The following COG5 variants were observed in gnomAD, a reference collection of about 807,000 sequenced individuals.
COG5 encodes the protein conserved oligomeric Golgi complex subunit 5.
A neutral mutation model predicts 110.4 loss-of-function variants in COG5; 86 were observed. That is an observed-to-expected ratio of 0.78 (90% CI 0.65 to 0.93). The LOEUF (loss-of-function observed/expected upper bound fraction) is 0.93, where lower values mean the gene tolerates loss of function less well. COG5 is among the 40% of genes least tolerant of loss of function. COG5 has a pLI of 0.00. For synonymous variants in COG5, 360 were observed against 334.6 expected, an observed-to-expected ratio of 1.08 and a Z score of -0.83; for missense variants, 1,077 against 987.0, an observed-to-expected ratio of 1.09 and a Z score of -1.22.
chr7:107,371,992 G>A (rs1459532294), intron 8 of COG5, among the ~76,000 whole-genome samples: 1 of 152,182 alleles, frequency 6.6e-6, no homozygotes, highest in Non-Finnish European at 1.5e-5. Flanking sequence ...CTTTTACGGA[G>A]AACTGTGTGT....
intron 6 of COG5, among the ~76,000 whole-genome samples, chr7:107,516,113 T>C (rs1799903297): frequency 6.6e-6 from 1 of 152,258 alleles, no homozygotes; most frequent in African/African-American, 2.4e-5. Context: ...TTTAAACTAT[T>C]ACATAATAAC....
chr7:107,266,724 A>G (rs1803830818), intron 14 of COG5, among the ~76,000 whole-genome samples: 1 of 152,100 alleles, frequency 6.6e-6, no homozygotes, highest in South Asian at 2.1e-4. Flanking sequence ...GAAGTGGGAA[A>G]CCAGAGGACT....
chr7:107,479,920 T>C (rs1305010206), intron 6 of COG5, among the ~76,000 whole-genome samples: 1 of 152,184 alleles, frequency 6.6e-6, no homozygotes, highest in East Asian at 1.9e-4. Context: ...TACCAATGTA[T>C]ATGAAGTGAA....
intron 3 of COG5, among the ~76,000 whole-genome samples, chr7:107,549,931 A>G (rs1315560777): frequency 6.6e-6 from 1 of 152,172 alleles, no homozygotes; most frequent in African/African-American, 2.4e-5. Context: ...ACATATACAG[A>G]CGTATACACA....
intron 6 of COG5, among the ~76,000 whole-genome samples, chr7:107,466,347 AATGCC>A (rs1238160257): frequency 1.3e-5 from 2 of 152,202 alleles, no homozygotes; most frequent in East Asian, 3.8e-4. Flanking sequence ...AATGGCAAGA[AATGCC>A]ATGTATTTAC....
intron 8 of COG5, among the ~76,000 whole-genome samples, chr7:107,366,939 G>C (rs1813677387): frequency 6.6e-6 from 1 of 152,088 alleles, no homozygotes; most frequent in Admixed American, 6.5e-5. Flanking sequence ...GGTAAGTATA[G>C]TGGGAAAGGC....
intron 5 of COG5, among the ~76,000 whole-genome samples, chr7:107,543,635 C>A (rs1802212173): frequency 6.6e-6 from 1 of 152,148 alleles, no homozygotes; most frequent in Non-Finnish European, 1.5e-5. Context: ...ACTTCCAGCA[C>A]CAGGCCAGCC....
intron 6 of COG5, among the ~76,000 whole-genome samples, chr7:107,456,010 GCT>G (rs1795648417): frequency 6.6e-6 from 1 of 151,908 alleles, no homozygotes; most frequent in East Asian, 1.9e-4. Flanking sequence ...TGTTGGCCAG[GCT>G]GGTCTCGAAC....
At chr7:107,388,649 C>T (rs1790378612) in intron 7 of COG5, among the ~76,000 whole-genome samples, 1 of 152,200 alleles carries the variant, frequency 6.6e-6, no homozygotes. Flanking sequence ...TAGAAAAGCA[C>T]TTTTCTAAAA....
At chr7:107,416,688 T>C (rs972097222) in intron 6 of COG5, among the ~76,000 whole-genome samples, 2 of 152,198 alleles carry the variant, frequency 1.3e-5, no homozygotes, top group African/African-American at 4.8e-5. Context: ...GTATTTCATA[T>C]GTTCCCCCAT....
chr7:107,536,592 ACTC>A (rs938620684), intron 5 of COG5, among the ~76,000 whole-genome samples: 1 of 151,986 alleles, frequency 6.6e-6, no homozygotes, highest in Non-Finnish European at 1.5e-5. Context: ...ACTACAAACC[ACTC>A]CTCAAGAAAA....
In COG5 at chr7:107,533,402, A is replaced by G. The variant is rs111386976; in HGVS notation, c.418-6045T>C. Among the ~76,000 whole-genome samples the G allele has an allele frequency of 7.1e-3, 1,076 of 151,692 alleles. 43 individuals are homozygous for G. The highest frequency in any genetic ancestry group is 0.025 in the African/African-American group (1,023 of 40,970). On this transcript the variant is annotated intron_variant, in intron 5 of 21. Coordinates refer to ENST00000297135, the MANE Select transcript of COG5 (RefSeq NM_006348.5). ...ACAGGAGCATGTTCTAACCCAATGC[A>G]AGGAAGCTAAGAGCTTTGAAAAAAA...
intron 6 of COG5, among the ~76,000 whole-genome samples, chr7:107,518,197 C>G (rs981509381): frequency 3.3e-5 from 5 of 152,122 alleles, no homozygotes; most frequent in African/African-American, 7.2e-5. Context: ...CCAGCCACTG[C>G]AAAAGCATAC....
At chr7:107,451,815 C>CA (rs1563043331) in intron 6 of COG5, among the ~76,000 whole-genome samples, 1 of 152,086 alleles carries the variant, frequency 6.6e-6, no homozygotes. Context: ...AAATAACATA[C>CA]AAAATATGTG....
chr7:107,279,161 T>C (rs1256527640), intron 14 of COG5, among the ~76,000 whole-genome samples: 1 of 152,018 alleles, frequency 6.6e-6, no homozygotes, highest in Non-Finnish European at 1.5e-5. Flanking sequence ...AGAAGACATA[T>C]ATGTGGCCAA....
At chr7:107,483,769 G>T (rs1007548994) in intron 6 of COG5, among the ~76,000 whole-genome samples, 1 of 151,462 alleles carries the variant, frequency 6.6e-6, no homozygotes, top group Admixed American at 6.6e-5. Context: ...ATATGGCCAC[G>T]TTATAGAAAA....
intron 6 of COG5, among the ~76,000 whole-genome samples, chr7:107,479,385 AAAAC>A (rs1181019068): frequency 1.3e-5 from 2 of 152,088 alleles, no homozygotes; most frequent in Non-Finnish European, 2.9e-5. Flanking sequence ...GAGCTTCAAA[AAAAC>A]AAATAAAGCA....
intron 8 of COG5, among the ~76,000 whole-genome samples, chr7:107,366,930 G>T (rs926075205): frequency 1.3e-5 from 2 of 152,058 alleles, no homozygotes; most frequent in Admixed American, 1.3e-4. Flanking sequence ...TCTACCAGTG[G>T]TAAGTATAGT....
At chr7:107,264,771 A>G (rs1489834737) in intron 14 of COG5, among the ~76,000 whole-genome samples, 1 of 152,102 alleles carries the variant, frequency 6.6e-6, no homozygotes, top group African/African-American at 2.4e-5. Context: ...ATACACAAAG[A>G]TTATATTTAT....
Sources: allele counts gnomAD v4.1 joint callset (sites outside exome capture counted in the v4.1 genomes callset), GRCh38; gene constraint gnomAD v4.1.1; transcripts MANE v1.5; gene names NCBI Gene and HGNC (gene_info 2026-07-23, HGNC 2026-07-21).